Variants in PTPN4 observed in about 807,000 individuals in gnomAD.
PTPN4 encodes the protein tyrosine-protein phosphatase non-receptor type 4.
A neutral mutation model predicts 135.5 loss-of-function variants in PTPN4; 49 were observed. The ratio of observed to expected loss-of-function variants is 0.36; its 90% CI spans 0.29 to 0.46. The LOEUF is 0.46. Ranked by LOEUF, PTPN4 falls within the 20% of genes least tolerant of loss-of-function variation. The pLI is 1.00. For synonymous variants in PTPN4, 333 were observed against 369.9 expected, an observed-to-expected ratio of 0.90 and a Z score of 1.14; for missense variants, 860 against 1,101.0, an observed-to-expected ratio of 0.78 and a Z score of 3.10.
Position 119,787,712 on chromosome 2 carries a change from G to T in PTPN4, c.-17-22125G>T, listed in dbSNP as rs143885729. Among the ~76,000 whole-genome samples the T allele has an allele frequency of 4.4e-3, 668 of 152,272 alleles. 2 individuals are homozygous for T. The highest frequency in any genetic ancestry group is 5.8e-3 in the Admixed American group (88 of 15,290). ...TCATTAGGTCTTGTACTTTCTAGCA[G>T]TGTGGCAATGAGGGGATTGTGGAAC... On this transcript the variant is annotated intron_variant, in intron 1 of 26. Coordinates refer to ENST00000263708, the MANE Select transcript of PTPN4 (RefSeq NM_002830.4).
intron 3 of PTPN4, among the ~76,000 whole-genome samples, chr2:119,869,112 G>A (rs2104992299): frequency 6.6e-6 from 1 of 151,854 alleles, no homozygotes; most frequent in East Asian, 1.9e-4. Context: ...ATAAACAAAG[G>A]GATGAAAAGT....
At chr2:119,813,336 C>A (rs748973908) in intron 2 of PTPN4, among the ~76,000 whole-genome samples, 5 of 151,882 alleles carry the variant, frequency 3.3e-5, no homozygotes, top group Non-Finnish European at 7.4e-5. Flanking sequence ...CAACCTCCGT[C>A]TCCCAGGTTC....
intron 15 of PTPN4, among the ~76,000 whole-genome samples, chr2:119,935,652 G>A (rs1055668335): frequency 8.5e-5 from 13 of 152,166 alleles, no homozygotes; most frequent in African/African-American, 2.9e-4. Context: ...ACTGTACAAT[G>A]ATACCTGTGG....
At chr2:119,777,195 C>T (rs1316976107) in intron 1 of PTPN4, among the ~76,000 whole-genome samples, 1 of 152,184 alleles carries the variant, frequency 6.6e-6, no homozygotes, top group Admixed American at 6.5e-5. Context: ...TTCAGGTCTT[C>T]ATGTTTGTTC....
chr2:119,909,927 G>A (rs1249415666), intron 10 of PTPN4, among the ~76,000 whole-genome samples: 1 of 152,112 alleles, frequency 6.6e-6, no homozygotes, highest in Non-Finnish European at 1.5e-5. Context: ...GCAATCTCAT[G>A]ATAAAACTTG....
At position 119,837,644 on chromosome 2, in the gene PTPN4, C is replaced by T. The variant is rs535652057; in HGVS notation, c.139-24892C>T. 7.5e-4 allele frequency among the ~76,000 whole-genome samples: 114 copies of T among 152,304 alleles called. 1 individual carries two copies. Among genetic ancestry groups the T allele is most frequent in the African/African-American group, 2.6e-3 (110 of 41,568 alleles). ...CCCCTGCTCGCCATGTTGTGGGCAA[C>T]GAGAAGGAGAGAAGAGCTGCAGCCC... On this transcript the variant is annotated intron_variant, in intron 2 of 26. Coordinates refer to ENST00000263708, the MANE Select transcript of PTPN4 (RefSeq NM_002830.4).
At chr2:119,852,262 G>A (rs1222018039) in intron 2 of PTPN4, among the ~76,000 whole-genome samples, 2 of 152,144 alleles carry the variant, frequency 1.3e-5, no homozygotes, top group East Asian at 1.9e-4. Flanking sequence ...AAAAAAATTA[G>A]GTCTAAGCCA....
chr2:119,835,382 A>T (rs182177978), intron 2 of PTPN4, among the ~76,000 whole-genome samples: 126 of 152,092 alleles, frequency 8.3e-4, no homozygotes, highest in Non-Finnish European at 1.5e-3. Context: ...ATGGGGTTTT[A>T]CCATCTTGGC....
intron 1 of PTPN4, among the ~76,000 whole-genome samples, chr2:119,801,392 A>G (rs1403490168): frequency 6.6e-6 from 1 of 152,214 alleles, no homozygotes; most frequent in Non-Finnish European, 1.5e-5. Flanking sequence ...CTGGCCTTCC[A>G]TATTAATTTT....
chr2:119,967,576 G>T (rs369034073), intron 25 of PTPN4, among the ~76,000 whole-genome samples: 22 of 152,084 alleles, frequency 1.4e-4, no homozygotes, highest in African/African-American at 5.1e-4. Flanking sequence ...TCCTTGTTCA[G>T]ATTTTAAAAA....
chr2:119,811,580 T>C (rs1169836528), intron 2 of PTPN4, among the ~76,000 whole-genome samples: 1 of 152,202 alleles, frequency 6.6e-6, no homozygotes, highest in Non-Finnish European at 1.5e-5. Context: ...AACTCTCATG[T>C]ATTAGACAGT....
chr2:119,765,443 A>T (rs1690597403), intron 1 of PTPN4, among the ~76,000 whole-genome samples: 1 of 152,238 alleles, frequency 6.6e-6, no homozygotes, highest in African/African-American at 2.4e-5. Context: ...TCTCTCTCTT[A>T]CAGAAGTACC....
rs1679712151 is a variant in PTPN4 at position 119,982,636 on chromosome 2, G to C, written c.*5566G>C. 6.6e-6 allele frequency: 1 copy of C among 152,106 alleles called. No homozygotes were observed. Among genetic ancestry groups the C allele is most frequent in the Non-Finnish European group, 1.5e-5 (1 of 68,012 alleles). The allele number at this position is 152,106 out of a possible 1,614,324, so 9.4% of individuals were successfully genotyped here. Reference sequence around the variant, plus strand: ...ATTCTAGACTTTTGGAGTGTGGAAGGGTGTTTGTGTGTGAAGGTAATAAAT... The same window carrying C: ...ATTCTAGACTTTTGGAGTGTGGAAGCGTGTTTGTGTGTGAAGGTAATAAAT... On this transcript the variant is annotated 3_prime_UTR_variant, in exon 27 of 27. Transcript: ENST00000263708.
intron 2 of PTPN4, among the ~76,000 whole-genome samples, chr2:119,854,905 G>A (rs752477536): frequency 6.6e-6 from 1 of 152,118 alleles, no homozygotes; most frequent in Non-Finnish European, 1.5e-5. Context: ...GAAACAGCGT[G>A]TTTCATTTAA....
chr2:119,917,412 A>T (rs1678668995), intron 11 of PTPN4, among the ~76,000 whole-genome samples: 1 of 152,162 alleles, frequency 6.6e-6, no homozygotes, highest in Admixed American at 6.6e-5. Flanking sequence ...GGCACATTAC[A>T]ACCTGTCTGA....
chr2:119,798,737 T>C (rs995649080), intron 1 of PTPN4, among the ~76,000 whole-genome samples: 2 of 152,210 alleles, frequency 1.3e-5, no homozygotes, highest in African/African-American at 4.8e-5. Flanking sequence ...CACTTAAGCT[T>C]TAGGTCTATA....
intron 2 of PTPN4, among the ~76,000 whole-genome samples, chr2:119,852,018 G>A (rs1274055761): frequency 6.6e-6 from 1 of 152,140 alleles, no homozygotes; most frequent in Admixed American, 6.5e-5. Context: ...TGGTCTGTGA[G>A]GAATTTGTCT....
chr2:119,914,424 A>G (rs1221453497), intron 10 of PTPN4, among the ~76,000 whole-genome samples: 1 of 152,058 alleles, frequency 6.6e-6, no homozygotes, highest in African/African-American at 2.4e-5. Context: ...ATGCTTGAAA[A>G]GTTGACTCAT....
At chr2:119,905,048 A>C (rs940336336) in intron 10 of PTPN4, among the ~76,000 whole-genome samples, 1 of 133,988 alleles carries the variant, frequency 7.5e-6, no homozygotes, top group African/African-American at 2.5e-5. Flanking sequence ...AAAAAAAAAA[A>C]ACAAATAATC....
Sources: allele counts gnomAD v4.1 joint callset (sites outside exome capture counted in the v4.1 genomes callset), GRCh38; gene constraint gnomAD v4.1.1; transcripts MANE v1.5; gene names NCBI Gene and HGNC (gene_info 2026-07-23, HGNC 2026-07-21).